The following TCF12 variants were observed in gnomAD, a reference collection of about 807,000 sequenced individuals.
TCF12 encodes the protein transcription factor 12.
A neutral mutation model predicts 86.0 loss-of-function variants in TCF12; 45 were observed. That is an observed-to-expected ratio of 0.52 (90% confidence interval 0.41 to 0.67). The LOEUF (loss-of-function observed/expected upper bound fraction) is 0.67, where lower values mean the gene tolerates loss of function less well. Ranked by LOEUF, TCF12 falls within the 30% of genes least tolerant of loss-of-function variation. The pLI is 0.00. For missense variants in TCF12, 881 were observed against 859.9 expected (o/e 1.02, Z -0.31); for synonymous variants, 330 against 299.6 (o/e 1.10, Z -1.05).
At chr15:57,276,941 A>T (rs533729957) in intron 19 of TCF12, among the ~76,000 whole-genome samples, 1 of 151,304 alleles carries the variant, frequency 6.6e-6, no homozygotes, top group African/African-American at 2.4e-5. Context: ...CATAGCTGGG[A>T]TTACAGGCAC....
chr15:57,231,416 A>G (rs1326073033), intron 9 of TCF12, among the ~76,000 whole-genome samples, 159 bp downstream of exon 9: 1 of 152,128 alleles, frequency 6.6e-6, no homozygotes, highest in Admixed American at 6.6e-5. Flanking sequence ...AGTGGTGTTT[A>G]TTGCTGACTG....
intron 3 of TCF12, among the ~76,000 whole-genome samples, chr15:57,008,122 G>T (rs2064580196): frequency 6.6e-6 from 1 of 150,752 alleles, no homozygotes; most frequent in African/African-American, 2.4e-5. Context: ...CACCAGGCCT[G>T]GCTGATTTCT....
chr15:57,242,480 A>G (rs1057307540), intron 12 of TCF12, among the ~76,000 whole-genome samples: 1 of 152,042 alleles, frequency 6.6e-6, no homozygotes, highest in Non-Finnish European at 1.5e-5. Flanking sequence ...CCTGAGGTCA[A>G]CCTGACCAAC....
chr15:57,248,812 A>G (rs2059978675), intron 13 of TCF12, among the ~76,000 whole-genome samples: 1 of 152,220 alleles, frequency 6.6e-6, no homozygotes, highest in Non-Finnish European at 1.5e-5. Context: ...TTTTAATAGC[A>G]CCAAAAATTA....
intron 8 of TCF12, among the ~76,000 whole-genome samples, chr15:57,212,026 C>T (rs949783480): frequency 2.6e-5 from 4 of 151,420 alleles, no homozygotes; most frequent in African/African-American, 7.3e-5. Context: ...TTGGTGTGGA[C>T]ACCTGGTATC....
chr15:56,983,993 C>T (rs2063021893), intron 3 of TCF12, among the ~76,000 whole-genome samples: 1 of 11,314 alleles, frequency 8.8e-5, no homozygotes, highest in African/African-American at 2.4e-4. Flanking sequence ...CTGAGTGAGA[C>T]CCTGTCTCAA....
intron 3 of TCF12, among the ~76,000 whole-genome samples, chr15:56,951,754 A>G (rs1051397961): frequency 1.3e-5 from 2 of 152,138 alleles, no homozygotes; most frequent in South Asian, 4.2e-4. Context: ...GGCTCAAGCA[A>G]TCCTCCCACC....
intron 3 of TCF12, among the ~76,000 whole-genome samples, chr15:57,043,488 A>G (rs1029071875): frequency 1.3e-5 from 2 of 152,022 alleles, no homozygotes; most frequent in African/African-American, 2.4e-5. Context: ...AGTCATCCTA[A>G]TGGGTGTGAG....
intron 5 of TCF12, among the ~76,000 whole-genome samples, chr15:57,145,885 A>G (rs1255782696): frequency 1.3e-5 from 2 of 152,186 alleles, no homozygotes; most frequent in Non-Finnish European, 2.9e-5. Flanking sequence ...CTGAAGCTTT[A>G]TTGCTTATAA....
At chr15:57,279,375 A>C (rs2061574884) in intron 19 of TCF12, among the ~76,000 whole-genome samples, 1 of 152,208 alleles carries the variant, frequency 6.6e-6, no homozygotes, top group South Asian at 2.1e-4. Flanking sequence ...ACTACATAAG[A>C]AGTCAATAGA....
At chr15:57,018,153 A>G (rs142064812) in intron 3 of TCF12, among the ~76,000 whole-genome samples, 1 of 152,226 alleles carries the variant, frequency 6.6e-6, no homozygotes, top group Non-Finnish European at 1.5e-5. Context: ...GAGGATTGCA[A>G]CCTGGGAGCA....
chr15:57,017,209 G>A (rs2065202349), intron 3 of TCF12, among the ~76,000 whole-genome samples: 2 of 152,048 alleles, frequency 1.3e-5, no homozygotes, highest in South Asian at 4.1e-4. Flanking sequence ...TCCATTTGAG[G>A]GCCTCGTAGC....
intron 3 of TCF12, among the ~76,000 whole-genome samples, chr15:57,028,444 T>C (rs1216453312): frequency 6.6e-6 from 1 of 152,196 alleles, no homozygotes; most frequent in East Asian, 1.9e-4. Context: ...ATGGTTTTAG[T>C]TTGCATTTCC....
At chr15:56,967,280 G>A (rs2062051461) in intron 3 of TCF12, among the ~76,000 whole-genome samples, 1 of 151,752 alleles carries the variant, frequency 6.6e-6, no homozygotes, top group Non-Finnish European at 1.5e-5. Context: ...GTCCTGGTGT[G>A]AAGTAATTTT....
intron 5 of TCF12, among the ~76,000 whole-genome samples, chr15:57,128,692 A>G (rs1236032513): frequency 7.9e-5 from 12 of 152,054 alleles, no homozygotes; most frequent in Non-Finnish European, 1.5e-4. Context: ...GTCAATTCCT[A>G]TTTCCTCCTT....
chr15:56,950,737 A>C (rs2061228335), intron 3 of TCF12, among the ~76,000 whole-genome samples: 1 of 108,264 alleles, frequency 9.2e-6, no homozygotes, highest in Non-Finnish European at 1.8e-5. Context: ...TAAAGCTATT[A>C]TGACCATGTT....
intron 4 of TCF12, among the ~76,000 whole-genome samples, chr15:57,089,584 GTT>G (rs71113060): frequency 0.12 from 17,525 of 145,512 alleles, 1,642 homozygotes; most frequent in African/African-American, 0.23. Context: ...TTAGGAAATA[GTT>G]TTTTTTTTTT....
chr15:57,158,928 G>C (rs192705696), intron 5 of TCF12, among the ~76,000 whole-genome samples: 1 of 152,288 alleles, frequency 6.6e-6, no homozygotes, highest in East Asian at 1.9e-4. Context: ...AGCCAATAAT[G>C]CTTAAACAAA....
At chr15:57,224,579 T>C (rs1439154044) in intron 8 of TCF12, among the ~76,000 whole-genome samples, 1 of 152,176 alleles carries the variant, frequency 6.6e-6, no homozygotes, top group Non-Finnish European at 1.5e-5. Flanking sequence ...GGTTTTAAAA[T>C]GCTTTGTATG....
Sources: gnomAD v4.1 joint callset for allele counts (sites outside exome capture counted in the v4.1 genomes callset) on GRCh38, gnomAD v4.1.1 for gene constraint, MANE v1.5 for transcripts, NCBI Gene and HGNC (gene_info 2026-07-23, HGNC 2026-07-21) for gene names.